Variants in OPCML observed in about 807,000 individuals in gnomAD.
OPCML encodes the protein opioid-binding protein/cell adhesion molecule.
OPCML carries 13 observed loss-of-function variants against 37.8 expected under a neutral mutation model. That is an observed-to-expected ratio of 0.34 (90% CI 0.22 to 0.55). The LOEUF (loss-of-function observed/expected upper bound fraction) is 0.55. Among genes scored for constraint, OPCML ranks in the 20% least tolerant of loss-of-function variants. The pLI is 0.91. For missense variants in OPCML, 341 were observed against 435.6 expected, an observed-to-expected ratio of 0.78 and a Z score of 1.93; for synonymous variants, 176 against 168.8, an observed-to-expected ratio of 1.04 and a Z score of -0.33.
intron 1 of OPCML, among the ~76,000 whole-genome samples, chr11:133,396,914 T>C (rs1293440910): frequency 6.6e-6 from 1 of 152,214 alleles, no homozygotes; most frequent in East Asian, 1.9e-4. Context: ...AGGCATTTAC[T>C]TTCAGCTGTA....
At chr11:133,253,739 A>G (rs931525243) in intron 1 of OPCML, among the ~76,000 whole-genome samples, 1 of 152,210 alleles carries the variant, frequency 6.6e-6, no homozygotes, top group Non-Finnish European at 1.5e-5. Flanking sequence ...AAGCAAGAAA[A>G]CAAGACACAA....
intron 1 of OPCML, among the ~76,000 whole-genome samples, chr11:132,964,801 C>A (rs958303040): frequency 6.6e-6 from 1 of 152,090 alleles, no homozygotes; most frequent in Non-Finnish European, 1.5e-5. Flanking sequence ...TAGATTCTAT[C>A]GTTCCTTTAT....
intron 4 of OPCML, among the ~76,000 whole-genome samples, chr11:132,527,746 C>T (rs2096312453): frequency 6.6e-6 from 1 of 152,152 alleles, no homozygotes; most frequent in Admixed American, 6.6e-5. Flanking sequence ...GAATTCCTAA[C>T]CCCTGATTCC....
chr11:133,108,404 C>A (rs1565451100), intron 1 of OPCML, among the ~76,000 whole-genome samples: 1 of 152,142 alleles, frequency 6.6e-6, no homozygotes, highest in Non-Finnish European at 1.5e-5. Context: ...TCTAAACATA[C>A]CTAACGCAAA....
chr11:133,426,684 C>T (rs2136906950), intron 1 of OPCML, among the ~76,000 whole-genome samples: 1 of 152,308 alleles, frequency 6.6e-6, no homozygotes, highest in South Asian at 2.1e-4. Flanking sequence ...AGGAAAGAAA[C>T]ACAGCGAGAG....
chr11:133,439,501 T>C, intron 1 of OPCML: 1 of 924,834 alleles, frequency 1.1e-6, no homozygotes, highest in Non-Finnish European at 1.3e-6. Context: ...GGAGTCTCAC[T>C]CTGTCGCCCA....
At chr11:133,164,078 C>CCA (rs1297121784) in intron 1 of OPCML, among the ~76,000 whole-genome samples, 3 of 152,128 alleles carry the variant, frequency 2.0e-5, no homozygotes, top group Non-Finnish European at 4.4e-5. Flanking sequence ...TTGAAGCCAC[C>CCA]CACGGCATGA....
At chr11:132,880,828 A>G (rs1274791151) in intron 2 of OPCML, among the ~76,000 whole-genome samples, 1 of 152,192 alleles carries the variant, frequency 6.6e-6, no homozygotes, top group Non-Finnish European at 1.5e-5. Flanking sequence ...GAGTCCAGAT[A>G]GTAATTTGAA....
intron 2 of OPCML, among the ~76,000 whole-genome samples, chr11:132,923,484 C>T (rs1944882411): frequency 6.6e-6 from 1 of 152,108 alleles, no homozygotes; most frequent in African/African-American, 2.4e-5. Context: ...TGAGAGAGAT[C>T]TGAAAGATGA....
intron 1 of OPCML, among the ~76,000 whole-genome samples, chr11:133,094,348 A>G (rs1022658344): frequency 2.0e-5 from 3 of 152,192 alleles, no homozygotes; most frequent in African/African-American, 7.2e-5. Context: ...TGAAAATTCC[A>G]TACTAAAAAT....
At chr11:133,510,764 C>T (rs1317955524) in intron 1 of OPCML, among the ~76,000 whole-genome samples, 1 of 152,170 alleles carries the variant, frequency 6.6e-6, no homozygotes, top group African/African-American at 2.4e-5. Context: ...TCTCCCTCAC[C>T]TCTTTTAGTT....
chr11:132,907,415 A>G lies in OPCML; in HGVS notation c.146+35511T>C, dbSNP rs141437691. Among the ~76,000 whole-genome samples the G allele has an allele frequency of 1.6e-3, 244 of 152,210 alleles. 1 individual carries two copies. The highest frequency in any genetic ancestry group is 5.6e-3 in the African/African-American group (232 of 41,534). Reference sequence around the variant, plus strand: ...TGGGAGGCCGAAGCTGGTGGATCACAAAGTCAAGAGATCGAGACCATCCTG... The same window carrying G: ...TGGGAGGCCGAAGCTGGTGGATCACGAAGTCAAGAGATCGAGACCATCCTG... On this transcript the variant is annotated intron_variant, in intron 2 of 7. Transcript: ENST00000524381.
rs1366284593 is a variant in OPCML at position 133,458,581 on chromosome 11, G to GTGTA, written c.61+73682_61+73683insTACA. ...TGTATACACATATATACACGTGTGT[G>GTGTA]TACACATATATACACGTGTGTGTGT... On this transcript the variant is annotated intron_variant, in intron 1 of 7. Transcript: ENST00000524381. Among the ~76,000 whole-genome samples, 131 of 95,756 alleles carry GTGTA rather than the reference G, an allele frequency of 1.4e-3. 13 individuals carry two copies. The highest frequency in any genetic ancestry group is 3.5e-3 in the East Asian group (12 of 3,384). The allele number at this position is 95,756 out of a possible 152,430, so 62.8% of individuals were successfully genotyped here. A position where few individuals can be genotyped will look rare whatever the true frequency, so the allele number is the denominator to read the frequency against.
chr11:133,122,607 G>A (rs1286304359), intron 1 of OPCML, among the ~76,000 whole-genome samples: 1 of 152,104 alleles, frequency 6.6e-6, no homozygotes, highest in African/African-American at 2.4e-5. Flanking sequence ...GGGGAGCATG[G>A]AGAGTGTGTG....
chr11:133,238,517 A>G (rs942051348), intron 1 of OPCML, among the ~76,000 whole-genome samples: 1 of 152,236 alleles, frequency 6.6e-6, no homozygotes, highest in African/African-American at 2.4e-5. Context: ...TAGGAAACTT[A>G]GAATCACCGG....
chr11:133,194,449 A>T (rs1314585745), intron 1 of OPCML, among the ~76,000 whole-genome samples: 1 of 152,002 alleles, frequency 6.6e-6, no homozygotes, highest in Non-Finnish European at 1.5e-5. Flanking sequence ...ACCCCATGTG[A>T]TCTGCCCACC....
chr11:132,720,793 A>G lies in OPCML; in HGVS notation c.147-63474T>C, dbSNP rs1944650063. ...GTATAGTCAGTGGTGACCTATTTATAAAATTCTTCTTAAAATCACATAATA... is the reference window on the plus strand; with the variant it reads ...GTATAGTCAGTGGTGACCTATTTATGAAATTCTTCTTAAAATCACATAATA... On this transcript the variant is annotated intron_variant, in intron 2 of 7. Transcript: ENST00000524381. Among the ~76,000 whole-genome samples the G allele has an allele frequency of 2.0e-5, 3 of 152,306 alleles. No individual in the cohort carries two copies. The South Asian group carries it at 6.2e-4, about 32-fold the overall frequency.
intron 1 of OPCML, among the ~76,000 whole-genome samples, chr11:133,096,216 G>T (rs1483580306): frequency 6.6e-6 from 1 of 151,512 alleles, no homozygotes; most frequent in Non-Finnish European, 1.5e-5. Flanking sequence ...AATGAATTTA[G>T]GAATATTTTG....
intron 2 of OPCML, among the ~76,000 whole-genome samples, chr11:132,869,682 C>A (rs1367256673): frequency 1.3e-5 from 2 of 152,202 alleles, no homozygotes; most frequent in Admixed American, 1.3e-4. Flanking sequence ...ATTATGTGGA[C>A]TGTCATTTTC....
Sources: allele counts gnomAD v4.1 joint callset (sites outside exome capture counted in the v4.1 genomes callset), GRCh38; gene constraint gnomAD v4.1.1; transcripts MANE v1.5; gene names NCBI Gene and HGNC (gene_info 2026-07-23, HGNC 2026-07-21).